PRRG1: variants seen among roughly 807,000 people sequenced by gnomAD.
PRRG1 encodes the protein proline rich and Gla domain 1.
In PRRG1, 5 loss-of-function variants were observed where a neutral mutation model predicts 11.8. The observed-to-expected ratio is 0.42, with a 90% CI of 0.22 to 0.89. The LOEUF (loss-of-function observed/expected upper bound fraction) is 0.89, where lower values mean the gene tolerates loss of function less well. Ranked by LOEUF, PRRG1 falls within the 40% of genes least tolerant of loss-of-function variation. The pLI is 0.28. For synonymous variants in PRRG1, 66 were observed against 60.4 expected (o/e 1.09, Z -0.43); for missense variants, 155 against 166.1 (o/e 0.93, Z 0.37).
chrX:37,407,126 T>G (rs1322149063), intron 2 of PRRG1, among the ~76,000 whole-genome samples: 1 of 111,974 alleles, frequency 8.9e-6, no homozygotes, highest in African/African-American at 3.2e-5. Flanking sequence ...AAAGGTATAT[T>G]TAACATTCCA....
At chrX:37,451,664 A>T (rs939281928) in intron 3 of PRRG1, among the ~76,000 whole-genome samples, 1 of 112,027 alleles carries the variant, frequency 8.9e-6, no homozygotes, top group African/African-American at 3.2e-5. Flanking sequence ...CCTTTAGTAA[A>T]TCATACAATG....
At chrX:37,352,580 T>C (rs1476086284) in intron 1 of PRRG1, among the ~76,000 whole-genome samples, 1 of 111,535 alleles carries the variant, frequency 9.0e-6, no homozygotes. Flanking sequence ...TTTTTTTCTC[T>C]AATTCTTTGA....
chrX:37,455,869 C>G lies in PRRG1; in HGVS notation c.*2248C>G, dbSNP rs1191009750. The stretch of plus-strand genomic sequence containing the variant: ...ACATGTTTTTGTCTTTAATGTCAGG[C>G]TTTAGATTAGACCAGCAGTTTTCAA... On this transcript the variant is annotated 3_prime_UTR_variant, in exon 4 of 4. Coordinates refer to ENST00000378628, the MANE Select transcript of PRRG1 (RefSeq NM_001142395.2). The G allele has an allele frequency of 9.0e-6, 1 of 111,672 alleles. No homozygotes were observed. The highest frequency in any genetic ancestry group is 1.9e-5 in the Non-Finnish European group (1 of 53,149). The allele number at this position is 111,672 out of a possible 1,213,427, so 9.2% of individuals were successfully genotyped here.
rs1176161103 is a variant in PRRG1 at position 37,456,194 on chromosome X, T to G, written c.*2573T>G. ...TGAATATTGATAGATATAAACCTCA[T>G]GAACAAAAGTACTTTGGCATCCAGA... On this transcript the variant is annotated 3_prime_UTR_variant, in exon 4 of 4. Transcript: ENST00000378628. 8.9e-6 allele frequency: 1 copy of G among 112,031 alleles called. No homozygotes were observed. The highest frequency in any genetic ancestry group is 3.2e-5 in the African/African-American group (1 of 30,848). 9.2% of individuals were successfully genotyped at this position (112,031 alleles called of 1,213,427 possible). A position where few individuals can be genotyped will look rare whatever the true frequency, so the allele number is the denominator to read the frequency against.
intron 3 of PRRG1, among the ~76,000 whole-genome samples, chrX:37,451,035 G>A (rs868983911): frequency 1.2e-5 from 1 of 80,906 alleles, no homozygotes; most frequent in Non-Finnish European, 2.3e-5. Context: ...TTGTTTTGTT[G>A]AGACAGAGTT....
intron 1 of PRRG1, among the ~76,000 whole-genome samples, chrX:37,367,751 T>G (rs1053569033): frequency 5.3e-5 from 6 of 112,368 alleles, no homozygotes; most frequent in African/African-American, 1.6e-4. Flanking sequence ...CTATAAAAGC[T>G]ATGAATGCTG....
At chrX:37,404,713 T>G (rs1383317572) in intron 1 of PRRG1, among the ~76,000 whole-genome samples, 1 of 111,450 alleles carries the variant, frequency 9.0e-6, no homozygotes, top group Non-Finnish European at 1.9e-5. Context: ...GTGGTCCGCA[T>G]AAAATTTTTT....
At chrX:37,412,874 G>A (rs183010819) in intron 2 of PRRG1, among the ~76,000 whole-genome samples, 6 of 110,665 alleles carry the variant, frequency 5.4e-5, no homozygotes, top group African/African-American at 2.0e-4. Context: ...TTTAATGGAG[G>A]CAAAATTTAT....
chrX:37,357,574 C>T (rs887636298), intron 1 of PRRG1, among the ~76,000 whole-genome samples: 1 of 111,943 alleles, frequency 8.9e-6, no homozygotes, highest in African/African-American at 3.2e-5. Context: ...GCCATTTTGA[C>T]ATGATGAAAT....
At chrX:37,424,423 A>C (rs887431177) in intron 2 of PRRG1, among the ~76,000 whole-genome samples, 3 of 111,337 alleles carry the variant, frequency 2.7e-5, no homozygotes, top group African/African-American at 9.8e-5. Flanking sequence ...TCAGTCCTTC[A>C]GGGATTCTGA....
At chrX:37,425,355 AT>A (rs57086795) in intron 2 of PRRG1, among the ~76,000 whole-genome samples, 3 of 109,959 alleles carry the variant, frequency 2.7e-5, no homozygotes, top group Admixed American at 9.8e-5. Context: ...ACTTCTCACA[AT>A]TTTTTTTTAC....
At chrX:37,356,747 T>C (rs1930248066) in intron 1 of PRRG1, among the ~76,000 whole-genome samples, 1 of 111,152 alleles carries the variant, frequency 9.0e-6, no homozygotes, top group Non-Finnish European at 1.9e-5. Context: ...ATTAAAAAAC[T>C]TTAGTTTTTT....
intron 1 of PRRG1, among the ~76,000 whole-genome samples, chrX:37,361,157 A>G (rs1930398609): frequency 1.8e-5 from 2 of 111,449 alleles, no homozygotes; most frequent in African/African-American, 3.3e-5. Flanking sequence ...CCTGGCTAAC[A>G]TGGTGAAACT....
At position 37,453,165 on chromosome X, in the gene PRRG1, G is replaced by A. The variant is rs782499687; in HGVS notation, c.201G>A (p.Ala67=). ...TKEFWSTYTK[A]QQGESNRGSD... ...AGTTTTGGAGCACCTACACAAAAGCGCAACAAGGGGAGAGTAACCGAGGAA... is the reference window on the plus strand; with the variant it reads ...AGTTTTGGAGCACCTACACAAAAGCACAACAAGGGGAGAGTAACCGAGGAA... Residue 67 remains alanine (A), a synonymous_variant, in exon 4 of 4, where the codon GCG becomes GCA. Transcript: ENST00000378628. 63 of 1,204,181 alleles carry A rather than the reference G, an allele frequency of 5.2e-5. No individual in the cohort carries two copies. The East Asian group carries it at 1.6e-3, about 30-fold the overall frequency.
chrX:37,396,937 CAAA>C, intron 1 of PRRG1, among the ~76,000 whole-genome samples: 1 of 112,083 alleles, frequency 8.9e-6, no homozygotes, highest in Non-Finnish European at 1.9e-5. Flanking sequence ...TTGTGACAAA[CAAA>C]AATATCTCTA....
At chrX:37,368,694 A>C in intron 1 of PRRG1, among the ~76,000 whole-genome samples, 1 of 108,526 alleles carries the variant, frequency 9.2e-6, no homozygotes. Flanking sequence ...GTTTAGACCT[A>C]AGATCTGTTT....
At chrX:37,447,253 T>C (rs981397795) in intron 3 of PRRG1, among the ~76,000 whole-genome samples, 1 of 112,016 alleles carries the variant, frequency 8.9e-6, no homozygotes, top group African/African-American at 3.2e-5. Flanking sequence ...AGGAAGATAA[T>C]GCTACCCGCA....
intron 2 of PRRG1, among the ~76,000 whole-genome samples, chrX:37,407,466 T>G (rs1932217493): frequency 9.0e-6 from 1 of 111,329 alleles, no homozygotes. Context: ...GAAGATTTGG[T>G]GTGTGGTGTG....
At chrX:37,437,143 T>G (rs1452027967) in intron 3 of PRRG1, among the ~76,000 whole-genome samples, 1 of 112,373 alleles carries the variant, frequency 8.9e-6, no homozygotes, top group African/African-American at 3.2e-5. Context: ...TTGATATTGT[T>G]TTTAAGTTAG....
Sources: gnomAD v4.1 joint callset for allele counts (sites outside exome capture counted in the v4.1 genomes callset) on GRCh38, gnomAD v4.1.1 for gene constraint, MANE v1.5 for transcripts, NCBI Gene and HGNC (gene_info 2026-07-23, HGNC 2026-07-21) for gene names.